Variants in BRD10 observed in about 807,000 individuals in gnomAD.
The protein encoded by BRD10 is uncharacterized bromodomain-containing protein 10.
At chr9:5,886,778 G>A in the BRD10 span, among the ~76,000 whole-genome samples, 7 of 152,190 alleles carry the variant, frequency 4.6e-5, no homozygotes, top group East Asian at 1.9e-4. Flanking sequence ...GGGGGCTTCC[G>A]GGAAACAGGA....
the BRD10 span, among the ~76,000 whole-genome samples, chr9:5,923,494 CTAGATATCA>C: frequency 6.6e-6 from 1 of 152,164 alleles, no homozygotes; most frequent in Non-Finnish European, 1.5e-5. Flanking sequence ...ACATGATAAT[CTAGATATCA>C]TAACCATGCC....
At chr9:5,897,401 G>GGGT in the BRD10 span, among the ~76,000 whole-genome samples, 4 of 152,208 alleles carry the variant, frequency 2.6e-5, no homozygotes, top group Admixed American at 2.6e-4. Flanking sequence ...AGGCCTGGTG[G>GGGT]GGTGCCCAGT....
the BRD10 span, among the ~76,000 whole-genome samples, chr9:5,970,665 T>A: frequency 6.6e-6 from 1 of 152,152 alleles, no homozygotes; most frequent in African/African-American, 2.4e-5. Context: ...TGGGAGGATG[T>A]TTTTGTAAAT....
At chr9:5,929,186 C>G in the BRD10 span, 3 of 1,132,312 alleles carry the variant, frequency 2.6e-6, no homozygotes, top group South Asian at 4.0e-5. Flanking sequence ...AAGTAAATCC[C>G]TTAGATTTAT....
At chr9:6,005,490 G>C in the BRD10 span, among the ~76,000 whole-genome samples, 15 of 152,322 alleles carry the variant, frequency 9.8e-5, no homozygotes, top group Admixed American at 9.8e-4. Context: ...GGGCTACAGA[G>C]GGAGACTCAG....
chr9:5,889,190 T>A, the BRD10 span, among the ~76,000 whole-genome samples: 10 of 152,196 alleles, frequency 6.6e-5, no homozygotes, highest in African/African-American at 2.4e-4. Context: ...AGCCCAATTG[T>A]CCATGACAGC....
At chr9:5,892,710 A>G in the BRD10 span, among the ~76,000 whole-genome samples, 3 of 152,168 alleles carry the variant, frequency 2.0e-5, no homozygotes, top group Non-Finnish European at 4.4e-5. Context: ...CTGTGCTTCT[A>G]TAAGGGGCTC....
the BRD10 span, among the ~76,000 whole-genome samples, chr9:5,905,256 G>C: frequency 1.3e-5 from 2 of 152,004 alleles, no homozygotes; most frequent in Non-Finnish European, 2.9e-5. Context: ...CCAAACAACT[G>C]AATGGACCCC....
chr9:5,949,171 T>C, the BRD10 span, among the ~76,000 whole-genome samples: 3 of 152,066 alleles, frequency 2.0e-5, no homozygotes, highest in African/African-American at 7.3e-5. Flanking sequence ...AATAATGATA[T>C]AATCAAAACA....
chr9:5,891,123 T>G, the BRD10 span: 2 of 152,186 alleles, frequency 1.3e-5, no homozygotes, highest in Non-Finnish European at 1.5e-5. Context: ...GAATCCTCTC[T>G]CAGTCCTCCA....
the BRD10 span, among the ~76,000 whole-genome samples, chr9:5,980,334 G>T: frequency 6.6e-6 from 1 of 152,122 alleles, no homozygotes; most frequent in Non-Finnish European, 1.5e-5. Context: ...AGACTACCAA[G>T]CCTTTCTCAG....
the BRD10 span, among the ~76,000 whole-genome samples, chr9:5,917,418 G>C: frequency 3.3e-5 from 5 of 152,344 alleles, no homozygotes; most frequent in South Asian, 8.3e-4. Flanking sequence ...AATGAAGCTG[G>C]AGAGGTAGGC....
chr9:5,893,280 T>C, the BRD10 span, among the ~76,000 whole-genome samples: 1 of 152,094 alleles, frequency 6.6e-6, no homozygotes, highest in Non-Finnish European at 1.5e-5. Context: ...AGGGACATAC[T>C]CTGTACGTGC....
the BRD10 span, among the ~76,000 whole-genome samples, chr9:5,935,519 C>G: frequency 1.3e-5 from 2 of 152,130 alleles, no homozygotes; most frequent in Non-Finnish European, 2.9e-5. Context: ...GAACCGTGGA[C>G]TAGAAATTAA....
At chr9:5,923,134 C>T in the BRD10 span, 13 of 1,614,008 alleles carry the variant, frequency 8.1e-6, no homozygotes, top group Non-Finnish European at 1.0e-5. Flanking sequence ...TTGTGCTTAA[C>T]TTTGCCTTCT....
the BRD10 span, chr9:5,890,742 T>G: frequency 6.6e-6 from 1 of 152,188 alleles, no homozygotes; most frequent in Non-Finnish European, 1.5e-5. Flanking sequence ...CAGCTGTGAC[T>G]TTTTGAAGGA....
chr9:5,951,781 T>C, the BRD10 span, among the ~76,000 whole-genome samples: 7 of 151,164 alleles, frequency 4.6e-5, no homozygotes, highest in African/African-American at 1.2e-4. Context: ...ACTAGCACTA[T>C]CTCCTATTTT....
the BRD10 span, among the ~76,000 whole-genome samples, chr9:5,886,086 C>T: frequency 2.6e-5 from 4 of 152,226 alleles, no homozygotes; most frequent in African/African-American, 9.6e-5. Flanking sequence ...CGGCTATCAA[C>T]CCTCGTTTGT....
the BRD10 span, among the ~76,000 whole-genome samples, chr9:5,959,269 T>C: frequency 6.6e-6 from 1 of 152,190 alleles, no homozygotes; most frequent in African/African-American, 2.4e-5. Flanking sequence ...TGCCAGCTTC[T>C]TTTCATAGCT....
Sources: allele counts gnomAD v4.1 joint callset (sites outside exome capture counted in the v4.1 genomes callset), GRCh38; gene constraint gnomAD v4.1.1; transcripts MANE v1.5; gene names NCBI Gene and HGNC (gene_info 2026-07-23, HGNC 2026-07-21).